PUM1: variants seen among roughly 807,000 people sequenced by gnomAD.
The protein encoded by PUM1 is pumilio RNA binding family member 1, also known as pumilio homolog 1.
In PUM1, 13 loss-of-function variants were observed where a neutral mutation model predicts 131.8. That is an observed-to-expected ratio of 0.10 (90% CI 0.06 to 0.16). The LOEUF (loss-of-function observed/expected upper bound fraction) is 0.16. Ranked by LOEUF, PUM1 falls within the 10% of genes least tolerant of loss-of-function variation. The pLI is 1.00. For synonymous variants in PUM1, 509 were observed against 556.5 expected, an observed-to-expected ratio of 0.91 and a Z score of 1.20; for missense variants, 961 against 1,512.4, an observed-to-expected ratio of 0.64 and a Z score of 6.05.
intron 10 of PUM1, among the ~76,000 whole-genome samples, 163 bp downstream of exon 10, chr1:30,974,488 C>T (rs755183800): frequency 2.1e-4 from 32 of 152,148 alleles, no homozygotes; most frequent in Non-Finnish European, 4.6e-4. Flanking sequence ...AAAGACATTC[C>T]GTAAGAGTAG....
Position 31,033,461 on chromosome 1 carries a change from C to T in PUM1, c.364-4597G>A, listed in dbSNP as rs973651588. 4.0e-4 allele frequency among the ~76,000 whole-genome samples: 59 copies of T among 145,714 alleles called. 1 individual carries two copies. The highest frequency in any genetic ancestry group is 1.5e-3 in the African/African-American group (59 of 39,614). On this transcript the variant is annotated intron_variant, in intron 2 of 21. Coordinates refer to ENST00000426105, the MANE Select transcript of PUM1 (RefSeq NM_001020658.2). The stretch of plus-strand genomic sequence containing the variant: ...ACTGCGGACTGCAGTGGCGCAATCT[C>T]GGCTCACTGCAAGCTCTGCTTCCCG...
chr1:30,945,588 T>C (rs1048605529), intron 17 of PUM1, 105 bp from the exon 18 acceptor site: 1 of 1,256,756 alleles, frequency 8.0e-7, no homozygotes, highest in African/African-American at 1.5e-5. Context: ...AGAGAATCTG[T>C]GATGATGAAA....
chr1:30,954,496 T>C (rs565327720), intron 14 of PUM1, among the ~76,000 whole-genome samples: 1 of 152,350 alleles, frequency 6.6e-6, no homozygotes, highest in Non-Finnish European at 1.5e-5. Context: ...TTTGAAGGAA[T>C]GATTTTGCCA....
At chr1:31,059,624 A>T in intron 1 of PUM1, 47 bp from the exon 2 acceptor site, 4 of 1,519,140 alleles carry the variant, frequency 2.6e-6, no homozygotes, top group Non-Finnish European at 3.5e-6. Flanking sequence ...ATCTTTTGAA[A>T]CATAAAACAC....
chr1:30,989,342 C>T (rs994792162), intron 7 of PUM1, among the ~76,000 whole-genome samples: 8 of 152,028 alleles, frequency 5.3e-5, no homozygotes, highest in Non-Finnish European at 1.2e-4. Context: ...GAGGCCAAGG[C>T]GGGCAGATCA....
chr1:31,029,706 T>C (rs1190680828), intron 2 of PUM1, among the ~76,000 whole-genome samples: 2 of 152,150 alleles, frequency 1.3e-5, no homozygotes, highest in Admixed American at 1.3e-4. Flanking sequence ...CCTTTGTTTA[T>C]TAAAGACGTA....
chr1:31,041,113 A>G lies in PUM1; in HGVS notation c.364-12249T>C, dbSNP rs543687588. Among the ~76,000 whole-genome samples the G allele has an allele frequency of 8.7e-4, 133 of 152,350 alleles. 2 individuals carry two copies. Among genetic ancestry groups the G allele is most frequent in the African/African-American group, 3.0e-3 (123 of 41,588 alleles). On this transcript the variant is annotated intron_variant, in intron 2 of 21. Transcript: ENST00000426105. ...GCAGAAATCTAGGATAGCTCCTAAC[A>G]TGCCACAAATGGATATATCAACCAC...
rs1644321386 is a variant in PUM1, at chr1:31,059,493, T to C, written c.74A>G (p.His25Arg). The C allele has an allele frequency of 6.2e-7, 1 of 1,613,980 alleles. No individual in the cohort carries two copies. Among genetic ancestry groups the C allele is most frequent in the Non-Finnish European group, 8.5e-7 (1 of 1,180,020 alleles). Residue 25 changes from histidine (H) to arginine (R), a missense_variant, in exon 2 of 22, where the codon CAC becomes CGC. Around this residue, in one of 4 missense-constraint regions of PUM1, gnomAD observed 654 missense variants for 923.9 expected, o/e 0.71. Transcript: ENST00000426105. ...QDSFSPHLKH[H>R]PQEPANPNMP... Reference sequence around the variant, plus strand: ...GTTGGGATTAGCTGGTTCTTGAGGGTGATGTTTCAGGTGGGGGCTGAAAGA... The same window carrying C: ...GTTGGGATTAGCTGGTTCTTGAGGGCGATGTTTCAGGTGGGGGCTGAAAGA...
chr1:30,962,181 G>A (rs767903829), intron 14 of PUM1, among the ~76,000 whole-genome samples: 1 of 152,140 alleles, frequency 6.6e-6, no homozygotes, highest in South Asian at 2.1e-4. Flanking sequence ...TGAACAAGGT[G>A]AATGTTTCCA....
chr1:31,034,497 A>C (rs1448912278), intron 2 of PUM1, among the ~76,000 whole-genome samples: 1 of 152,130 alleles, frequency 6.6e-6, no homozygotes, highest in Non-Finnish European at 1.5e-5. Context: ...AAAATTACCC[A>C]GGTGTGGTGG....
chr1:30,950,971 G>C (rs1468869290), intron 16 of PUM1, among the ~76,000 whole-genome samples: 1 of 152,076 alleles, frequency 6.6e-6, no homozygotes, highest in African/African-American at 2.4e-5. Context: ...ATTTACACAA[G>C]GTAACAGAGT....
chr1:31,033,431 G>A (rs1354498371), intron 2 of PUM1, among the ~76,000 whole-genome samples: 5 of 139,280 alleles, frequency 3.6e-5, no homozygotes, highest in Non-Finnish European at 6.0e-5. Flanking sequence ...TGTCGCCCAG[G>A]CCGGACTGCG....
chr1:30,991,991 A>G (rs1465368380), intron 7 of PUM1, among the ~76,000 whole-genome samples: 1 of 152,228 alleles, frequency 6.6e-6, no homozygotes, highest in African/African-American at 2.4e-5. Context: ...ATGACCTGGC[A>G]CTACACTCCT....
In PUM1 at chr1:30,961,322, C is replaced by A. The variant is rs143927034; in HGVS notation, c.2323+3352G>T. Among the ~76,000 whole-genome samples, 43 of 141,604 alleles carry A rather than the reference C, an allele frequency of 3.0e-4. No homozygotes were observed. The East Asian group carries it at 7.6e-3, about 25-fold the overall frequency. The allele number at this position is 141,604 out of a possible 152,430, so 92.9% of individuals were successfully genotyped here. Reference sequence around the variant, plus strand: ...GCCCGGAGTTCGAGACCACCCTGACCAACATAGCAAGACTTAGTTTCTACA... The same window carrying A: ...GCCCGGAGTTCGAGACCACCCTGACAAACATAGCAAGACTTAGTTTCTACA... On this transcript the variant is annotated intron_variant, in intron 14 of 21. Coordinates refer to ENST00000426105, the MANE Select transcript of PUM1 (RefSeq NM_001020658.2).
intron 2 of PUM1, among the ~76,000 whole-genome samples, chr1:31,041,609 A>T (rs969208733): frequency 2.6e-5 from 4 of 152,068 alleles, no homozygotes; most frequent in Admixed American, 6.6e-5. Flanking sequence ...TCACTCTATT[A>T]ATTCACACAA....
In PUM1 at chr1:30,996,062, T is replaced by C; in HGVS notation, c.721-842A>G. Reference sequence around the variant, plus strand: ...GACATCCCAAGTTAAGCCCTGGACATATAAAGTACATGTACCTTGATTTCC... The same window carrying C: ...GACATCCCAAGTTAAGCCCTGGACACATAAAGTACATGTACCTTGATTTCC... On this transcript the variant is annotated intron_variant, in intron 5 of 21. Transcript: ENST00000426105. Among the ~76,000 whole-genome samples, 6 of 152,328 alleles carry C rather than the reference T, an allele frequency of 3.9e-5. No individual in the cohort carries two copies. The Middle Eastern group carries it at 0.02, about 518-fold the overall frequency.
At chr1:30,982,731 G>C (rs1227535789) in intron 7 of PUM1, among the ~76,000 whole-genome samples, 1 of 152,160 alleles carries the variant, frequency 6.6e-6, no homozygotes. Context: ...TTAGGTGGTG[G>C]AGAGATTTTA....
At chr1:31,009,767 CAAAAAAA>C (rs751375199) in intron 3 of PUM1, among the ~76,000 whole-genome samples, 893 of 54,646 alleles carry the variant, frequency 0.016, 9 homozygotes, top group Middle Eastern at 0.027. Context: ...GACTCTGTCT[CAAAAAAA>C]AAAAAAAAAA....
At chr1:31,026,928 T>G (rs1239805995) in intron 3 of PUM1, among the ~76,000 whole-genome samples, 3 of 134,860 alleles carry the variant, frequency 2.2e-5, no homozygotes, top group African/African-American at 9.1e-5. Context: ...GCCCACGGAA[T>G]TATATACATA....
Sources: gnomAD v4.1 joint callset for allele counts (sites outside exome capture counted in the v4.1 genomes callset) on GRCh38, gnomAD v4.1.1 for gene constraint, gnomAD v4.1.1 regional missense constraint, MANE v1.5 for transcripts, NCBI Gene and HGNC (gene_info 2026-07-23, HGNC 2026-07-21) for gene names.